DHCR24: variants seen among roughly 807,000 people sequenced by gnomAD.
DHCR24 encodes the protein 24-dehydrocholesterol reductase, also known as delta(24)-sterol reductase.
In DHCR24, 28 loss-of-function variants were observed where a neutral mutation model predicts 61.2. That is an observed-to-expected ratio of 0.46 (90% CI 0.34 to 0.63). The LOEUF (loss-of-function observed/expected upper bound fraction) is 0.63. Ranked by LOEUF, DHCR24 falls within the 20% of genes least tolerant of loss-of-function variation. DHCR24 has a pLI of 0.01. For synonymous variants in DHCR24, 261 were observed against 275.9 expected, an observed-to-expected ratio of 0.95 and a Z score of 0.54; for missense variants, 538 against 679.1, an observed-to-expected ratio of 0.79 and a Z score of 2.31.
At chr1:54,872,923 G>A (rs1647007547) in intron 4 of DHCR24, among the ~76,000 whole-genome samples, 1 of 152,086 alleles carries the variant, frequency 6.6e-6, no homozygotes, top group Admixed American at 6.6e-5. Flanking sequence ...GAAGGAGTCG[G>A]GTGGCTCCCT....
rs553020995 is a variant in DHCR24 at position 54,854,020 on chromosome 1, T to C, written c.1218+17A>G. The C allele has an allele frequency of 1.2e-5, 20 of 1,607,676 alleles. No homozygotes were observed. The South Asian group carries it at 2.2e-4, about 18-fold the overall frequency. On this transcript the variant is annotated intron_variant, in intron 7 of 8. Coordinates refer to ENST00000371269, the MANE Select transcript of DHCR24 (RefSeq NM_014762.4). ...GGGAATGCACCTGGTGCGCCCTCCC[T>C]GCCCTGCCCCACTCACGTGGATGTC...
chr1:54,868,080 C>T (rs1646976997), intron 5 of DHCR24, among the ~76,000 whole-genome samples: 3 of 152,148 alleles, frequency 2.0e-5, no homozygotes, highest in Admixed American at 2.0e-4. Flanking sequence ...GATTTTATAG[C>T]CCTTCACAAC....
chr1:54,855,732 G>A lies in DHCR24; in HGVS notation c.1021-1498C>T, dbSNP rs1284735398. Reference sequence around the variant, plus strand: ...GTCAGGGACCTGCCTGTTTTCTTCTGTTAGATCCTGCGCCTTTGCCAATGT... The same window carrying A: ...GTCAGGGACCTGCCTGTTTTCTTCTATTAGATCCTGCGCCTTTGCCAATGT... On this transcript the variant is annotated intron_variant, in intron 6 of 8. Coordinates refer to ENST00000371269, the MANE Select transcript of DHCR24 (RefSeq NM_014762.4). Among the ~76,000 whole-genome samples the A allele has an allele frequency of 2.0e-5, 3 of 152,330 alleles. No individual in the cohort carries two copies. In the East Asian group the frequency reaches 5.8e-4, roughly 29 times the overall value.
intron 2 of DHCR24, among the ~76,000 whole-genome samples, chr1:54,880,873 G>A (rs1647060516): frequency 6.6e-6 from 1 of 152,092 alleles, no homozygotes; most frequent in African/African-American, 2.4e-5. Context: ...ATTTGGCCAG[G>A]CGTGGTGGCT....
chr1:54,881,067 C>T (rs1227979663), intron 2 of DHCR24, among the ~76,000 whole-genome samples: 2 of 152,160 alleles, frequency 1.3e-5, no homozygotes, highest in African/African-American at 4.8e-5. Flanking sequence ...GGAGAATCAC[C>T]GGAACCTGGG....
intron 5 of DHCR24, among the ~76,000 whole-genome samples, chr1:54,869,428 G>A (rs983577692): frequency 3.3e-5 from 5 of 152,146 alleles, no homozygotes; most frequent in African/African-American, 9.7e-5. Flanking sequence ...TTGTACAGAA[G>A]GACAGGATAA....
At chr1:54,854,684 T>C (rs1180849) in intron 6 of DHCR24, among the ~76,000 whole-genome samples, 152,217 of 152,322 alleles carry the variant, frequency 1, 76,056 homozygotes, top group Middle Eastern at 1. Context: ...TCTTAGAGAA[T>C]TTAAGCAGTC....
intron 6 of DHCR24, among the ~76,000 whole-genome samples, chr1:54,860,767 C>G (rs565088791): frequency 6.6e-6 from 1 of 152,066 alleles, no homozygotes. Flanking sequence ...GGGCGGATCA[C>G]GAGGTCAGGA....
rs757256992 is a variant in DHCR24, at chr1:54,852,205, G to GT, written c.*27dup. 129 of 1,613,792 alleles carry GT rather than the reference G, an allele frequency of 8.0e-5. No individual in the cohort carries two copies. Among genetic ancestry groups the GT allele is most frequent in the Middle Eastern group, 1.6e-4 (1 of 6,084 alleles). On this transcript the variant is annotated 3_prime_UTR_variant, in exon 9 of 9. Transcript: ENST00000371269. ...AGGGAAGATGCCTGACCACTCACAC[G>GT]TGTCTGTCTCTCCAGGCGGGCTCCA...
rs1311448378 is a variant in DHCR24, at chr1:54,887,179, C to CGCGCCTGGCCCGCTCT, written c.-76_-61dup. On this transcript the variant is annotated 5_prime_UTR_variant, in exon 1 of 9. Transcript: ENST00000371269. ...CGCCTCCTGTCACTGCCGCCAGCTC[C>CGCGCCTGGCCCGCTCT]GCGCCTGGCCCGCTCTGCGCCTGTA... The CGCGCCTGGCCCGCTCT allele has an allele frequency of 1.5e-5, 21 of 1,423,050 alleles. No homozygotes were observed. Among genetic ancestry groups the CGCGCCTGGCCCGCTCT allele is most frequent in the African/African-American group, 1.3e-4 (9 of 70,234 alleles). 88.2% of individuals were successfully genotyped at this position (1,423,050 alleles called of 1,614,324 possible).
In DHCR24 at chr1:54,886,956, C is replaced by A. The variant is rs1557442163; in HGVS notation, c.164G>T (p.Trp55Leu). The A allele has an allele frequency of 1.9e-6, 3 of 1,613,596 alleles. No individual in the cohort carries two copies. The highest frequency in any genetic ancestry group is 2.5e-6 in the Non-Finnish European group (3 of 1,179,726). Residue 55 changes from tryptophan (W) to leucine (L), a missense_variant, in exon 1 of 9, where the codon TGG becomes TTG. By Grantham distance (61) the Trp-to-Leu change is moderately conservative. Coordinates refer to ENST00000371269, the MANE Select transcript of DHCR24 (RefSeq NM_014762.4). ...IFDIYYYVRA[W>L]VVFKLSSAPR... Reference sequence around the variant, plus strand: ...AGCGCTGCTGAGCTTGAACACCACCCAGGCGCGCACGTAGTAGTAGATATC... The same window carrying A: ...AGCGCTGCTGAGCTTGAACACCACCAAGGCGCGCACGTAGTAGTAGATATC...
At chr1:54,858,334 A>C (rs1051103913) in intron 6 of DHCR24, among the ~76,000 whole-genome samples, 3 of 152,224 alleles carry the variant, frequency 2.0e-5, no homozygotes. Context: ...CTGGAGGGCC[A>C]TCTTACCCCA....
chr1:54,858,479 T>C (rs1050458641), intron 6 of DHCR24, among the ~76,000 whole-genome samples: 43 of 152,246 alleles, frequency 2.8e-4, no homozygotes, highest in Non-Finnish European at 1.0e-4. Context: ...GGTCTGAACG[T>C]TCACTTCCTG....
At chr1:54,874,927 T>C (rs1053467012) in intron 4 of DHCR24, among the ~76,000 whole-genome samples, 166 bp downstream of exon 4, 6 of 152,216 alleles carry the variant, frequency 3.9e-5, no homozygotes, top group Non-Finnish European at 8.8e-5. Flanking sequence ...ATTTACAACA[T>C]TGCCTAAGCT....
rs373484664 is a variant in DHCR24, at chr1:54,886,979, A to G, written c.141T>C (p.Asp47=). ...LFLLPLSLIF[D]IYYYVRAWVV... is the part of the protein sequence containing the mutation. Reference sequence around the variant, plus strand: ...CCCAGGCGCGCACGTAGTAGTAGATATCGAAGATAAGCGAGAGCGGCAGGA... The same window carrying G: ...CCCAGGCGCGCACGTAGTAGTAGATGTCGAAGATAAGCGAGAGCGGCAGGA... Residue 47 remains aspartate, a synonymous_variant, in exon 1 of 9, where the codon GAT becomes GAC. Coordinates refer to ENST00000371269, the MANE Select transcript of DHCR24 (RefSeq NM_014762.4). 2.5e-6 allele frequency: 4 copies of G among 1,613,574 alleles called. No individual in the cohort carries two copies. The highest frequency in any genetic ancestry group is 3.4e-6 in the Non-Finnish European group (4 of 1,179,734).
intron 6 of DHCR24, among the ~76,000 whole-genome samples, chr1:54,860,793 G>A (rs146621180): frequency 0.022 from 3,416 of 152,114 alleles, 94 homozygotes; most frequent in Admixed American, 0.087. Flanking sequence ...AGACCATCCT[G>A]GCTAACATGG....
At chr1:54,864,083 C>T (rs367612217) in intron 6 of DHCR24, among the ~76,000 whole-genome samples, 5 of 152,068 alleles carry the variant, frequency 3.3e-5, no homozygotes, top group Non-Finnish European at 5.9e-5. Flanking sequence ...AAAAATAGAG[C>T]GCTCATACAT....
At chr1:54,857,416 A>G (rs1371805445) in intron 6 of DHCR24, among the ~76,000 whole-genome samples, 1 of 152,184 alleles carries the variant, frequency 6.6e-6, no homozygotes. Context: ...ACTGGTGTTA[A>G]CTCCCTGTGT....
Position 54,886,877 on chromosome 1 carries a change from G to T in DHCR24, c.231+12C>A. On this transcript the variant is annotated intron_variant, in intron 1 of 8. Transcript: ENST00000371269. ...CCGGCCCTGAGTCCCGGCCGCACCC[G>T]GCGCCGCTCACCTGCTTCTGGATGT... 1 of 1,610,248 alleles carries T rather than the reference G, an allele frequency of 6.2e-7. No individual in the cohort carries two copies. The highest frequency in any genetic ancestry group is 8.5e-7 in the Non-Finnish European group (1 of 1,178,712).
Sources: allele counts gnomAD v4.1 joint callset (sites outside exome capture counted in the v4.1 genomes callset), GRCh38; gene constraint gnomAD v4.1.1; transcripts MANE v1.5; gene names NCBI Gene and HGNC (gene_info 2026-07-23, HGNC 2026-07-21).